Variants in PYGO1 observed in about 807,000 individuals in gnomAD.
PYGO1 encodes the protein pygopus homolog 1.
Under a neutral mutation model 29.5 loss-of-function variants are expected in PYGO1, and 6 were observed. That is an observed-to-expected ratio of 0.20 (90% CI 0.11 to 0.40). The LOEUF is 0.40. PYGO1 is among the 10% of genes least tolerant of loss of function. PYGO1 has a pLI of 1.00. For synonymous variants in PYGO1, 186 were observed against 180.5 expected (o/e 1.03, Z -0.24); for missense variants, 515 against 514.9 (o/e 1.00, Z 0.00).
At chr15:55,571,902 A>G (rs2058981836) in intron 1 of PYGO1, among the ~76,000 whole-genome samples, 1 of 152,110 alleles carries the variant, frequency 6.6e-6, no homozygotes, top group Admixed American at 6.6e-5. Flanking sequence ...GTGAGGTAAA[A>G]AACAATGTTA....
chr15:55,539,775 A>G lies in PYGO1; in HGVS notation c.*6248T>C, dbSNP rs539003153. 1 of 152,170 alleles carries G rather than the reference A, an allele frequency of 6.6e-6. No individual in the cohort carries two copies. Among genetic ancestry groups the G allele is most frequent in the Non-Finnish European group, 1.5e-5 (1 of 67,890 alleles). 9.4% of individuals were successfully genotyped at this position (152,170 alleles called of 1,614,324 possible). A position where few individuals can be genotyped will look rare whatever the true frequency, so the allele number is the denominator to read the frequency against. On this transcript the variant is annotated 3_prime_UTR_variant, in exon 3 of 3. Transcript: ENST00000563719. ...CAATCCTATCAATAGTCCACAATCA[A>G]AAGTACAAAATATACCATAACCATG...
chr15:55,572,770 G>C (rs1223188954), intron 1 of PYGO1, among the ~76,000 whole-genome samples: 1 of 151,876 alleles, frequency 6.6e-6, no homozygotes, highest in East Asian at 1.9e-4. Context: ...TGGCCAACAG[G>C]TACCTGAAAA....
In PYGO1 at chr15:55,541,007, C is replaced by T. The variant is rs2058826241; in HGVS notation, c.*5016G>A. Reference sequence around the variant, plus strand: ...CAAACAAGCAACATCATCTACACATCTACAGAACAAGAAAGGTACAGGTAT... The same window carrying T: ...CAAACAAGCAACATCATCTACACATTTACAGAACAAGAAAGGTACAGGTAT... On this transcript the variant is annotated 3_prime_UTR_variant, in exon 3 of 3. Transcript: ENST00000563719. The T allele has an allele frequency of 6.6e-6, 1 of 152,274 alleles. No homozygotes were observed. The highest frequency in any genetic ancestry group is 2.4e-5 in the African/African-American group (1 of 41,550). 9.4% of individuals were successfully genotyped at this position (152,274 alleles called of 1,614,324 possible). A position where few individuals can be genotyped will look rare whatever the true frequency, so the allele number is the denominator to read the frequency against.
chr15:55,588,138 T>G lies in PYGO1; in HGVS notation c.-255A>C, dbSNP rs2141684117. 8.8e-6 allele frequency: 6 copies of G among 678,398 alleles called. No individual in the cohort carries two copies. Among genetic ancestry groups the G allele is most frequent in the Non-Finnish European group, 1.1e-5 (6 of 552,206 alleles). The allele number at this position is 678,398 out of a possible 1,614,324, so 42.0% of individuals were successfully genotyped here. Reference sequence around the variant, plus strand: ...AGCGGCGGTGGCCGGGAGCGCGGCCTGGGGGCGGCCCCCCACCCGGGGCCG... The same window carrying G: ...AGCGGCGGTGGCCGGGAGCGCGGCCGGGGGGCGGCCCCCCACCCGGGGCCG... On this transcript the variant is annotated 5_prime_UTR_variant, in exon 1 of 3. Transcript: ENST00000563719.
intron 1 of PYGO1, among the ~76,000 whole-genome samples, chr15:55,567,932 C>T (rs2058963992): frequency 6.6e-6 from 1 of 152,124 alleles, no homozygotes; most frequent in African/African-American, 2.4e-5. Flanking sequence ...GTTCTCCATT[C>T]TATTGGTCTA....
chr15:55,559,085 T>C (rs1162365378), intron 1 of PYGO1, among the ~76,000 whole-genome samples: 4 of 152,084 alleles, frequency 2.6e-5, no homozygotes, highest in Admixed American at 2.6e-4. Context: ...AATCTACTCA[T>C]CTGACAAAGG....
chr15:55,559,043 A>G (rs1450371023), intron 1 of PYGO1, among the ~76,000 whole-genome samples: 2 of 152,250 alleles, frequency 1.3e-5, no homozygotes, highest in African/African-American at 4.8e-5. Flanking sequence ...CAGAGTGAAC[A>G]GGCAACCTAC....
chr15:55,583,779 A>G (rs559694300), intron 1 of PYGO1, among the ~76,000 whole-genome samples: 14 of 152,300 alleles, frequency 9.2e-5, no homozygotes, highest in Non-Finnish European at 2.1e-4. Flanking sequence ...AAGTGCTGGG[A>G]TTACAGGCAT....
At chr15:55,564,425 T>G (rs1021329020) in intron 1 of PYGO1, among the ~76,000 whole-genome samples, 2 of 152,082 alleles carry the variant, frequency 1.3e-5, no homozygotes, top group African/African-American at 4.8e-5. Context: ...AGGGAGGAAA[T>G]TGGGAGTTAC....
At chr15:55,558,862 AC>A (rs2058919669) in intron 1 of PYGO1, among the ~76,000 whole-genome samples, 1 of 151,902 alleles carries the variant, frequency 6.6e-6, no homozygotes, top group African/African-American at 2.4e-5. Flanking sequence ...TAAATATTAG[AC>A]CTAAAACCAT....
intron 2 of PYGO1, among the ~76,000 whole-genome samples, chr15:55,548,236 T>G (rs1443219744): frequency 6.6e-6 from 1 of 151,308 alleles, no homozygotes; most frequent in Non-Finnish European, 1.5e-5. Context: ...GCCAGTCTGG[T>G]CTCGAACTCC....
intron 2 of PYGO1, among the ~76,000 whole-genome samples, chr15:55,547,380 T>A (rs971537798): frequency 6.6e-6 from 1 of 152,204 alleles, no homozygotes; most frequent in African/African-American, 2.4e-5. Context: ...AAAGTATGAT[T>A]TTCTGAGCTC....
chr15:55,580,172 A>G (rs1325636752), intron 1 of PYGO1, among the ~76,000 whole-genome samples: 1 of 152,242 alleles, frequency 6.6e-6, no homozygotes, highest in African/African-American at 2.4e-5. Flanking sequence ...AAACTCAGAA[A>G]TCATGGGGAA....
In PYGO1 at chr15:55,580,197, T is replaced by C. The variant is rs188300638; in HGVS notation, c.49+7638A>G. On this transcript the variant is annotated intron_variant, in intron 1 of 2. Transcript: ENST00000563719. ...ATCATGGGGAACAAAGTTGCAGATA[T>C]TCATAAATATTATTCAATAAACAGC... 2.0e-3 allele frequency among the ~76,000 whole-genome samples: 312 copies of C among 152,326 alleles called. 1 individual carries two copies. The highest frequency in any genetic ancestry group is 3.1e-3 in the Non-Finnish European group (208 of 68,024).
intron 1 of PYGO1, among the ~76,000 whole-genome samples, chr15:55,578,544 T>C (rs1229542692): frequency 6.6e-6 from 1 of 152,224 alleles, no homozygotes; most frequent in African/African-American, 2.4e-5. Context: ...TATAGCCTCC[T>C]AGTGAATGAA....
At chr15:55,573,033 AC>A (rs2058986589) in intron 1 of PYGO1, among the ~76,000 whole-genome samples, 1 of 148,642 alleles carries the variant, frequency 6.7e-6, no homozygotes, top group Non-Finnish European at 1.5e-5. Flanking sequence ...AAAGCTGGGC[AC>A]AGTGGCTCAT....
intron 1 of PYGO1, among the ~76,000 whole-genome samples, chr15:55,560,648 T>C (rs909508582): frequency 2.6e-5 from 4 of 152,106 alleles, no homozygotes; most frequent in African/African-American, 4.8e-5. Flanking sequence ...CAAACTACCA[T>C]TGACATTCTT....
chr15:55,575,976 T>C (rs924710205), intron 1 of PYGO1, among the ~76,000 whole-genome samples: 2 of 152,220 alleles, frequency 1.3e-5, no homozygotes, highest in African/African-American at 2.4e-5. Flanking sequence ...TTGCTATCTC[T>C]GTGAAAACTT....
chr15:55,587,843 C>G lies in PYGO1; in HGVS notation c.41G>C (p.Arg14Thr). The G allele has an allele frequency of 6.7e-7, 1 of 1,493,626 alleles. No individual in the cohort carries two copies. The highest frequency in any genetic ancestry group is 8.9e-7 in the Non-Finnish European group (1 of 1,124,584). The allele number at this position is 1,493,626 out of a possible 1,614,324, so 92.5% of individuals were successfully genotyped here. The change falls in exon 1 of 3, where the codon AGA (arginine) becomes ACA (threonine). Residue 14 changes from arginine (R) to threonine (T), a missense_variant. By Grantham distance (71) the Arg-to-Thr change is moderately conservative (BLOSUM62 -1). Transcript: ENST00000563719. The part of the protein sequence containing the change: ...EQEKDPISLK[R>T]VRGGDSGLDG... Reference sequence around the variant, plus strand: ...GCACCCTTCTCGGTTACCTCGAACTCTCTTCAGCGAAATGGGATCCTTCTC... The same window carrying G: ...GCACCCTTCTCGGTTACCTCGAACTGTCTTCAGCGAAATGGGATCCTTCTC...
Sources: allele counts gnomAD v4.1 joint callset (sites outside exome capture counted in the v4.1 genomes callset), GRCh38; gene constraint gnomAD v4.1.1; transcripts MANE v1.5; gene names NCBI Gene and HGNC (gene_info 2026-07-23, HGNC 2026-07-21).